HADHA: variants seen among roughly 807,000 people sequenced by gnomAD.
HADHA encodes trifunctional enzyme subunit alpha, mitochondrial.
Under a neutral mutation model 91.3 loss-of-function variants are expected in HADHA, and 59 were observed. The ratio of observed to expected loss-of-function variants is 0.65; its 90% CI spans 0.52 to 0.80. HADHA has a LOEUF of 0.80. Among genes scored for constraint, HADHA ranks in the 30% least tolerant of loss-of-function variants. HADHA has a pLI of 0.00. For synonymous variants in HADHA, 320 were observed against 338.9 expected (o/e 0.94, Z 0.61); for missense variants, 800 against 927.6 (o/e 0.86, Z 1.79).
At position 26,214,517 on chromosome 2, in the gene HADHA, C is replaced by G. The variant is rs1367586094; in HGVS notation, c.844G>C (p.Val282Leu). 1.2e-6 allele frequency: 2 copies of G among 1,608,548 alleles called. No individual in the cohort carries two copies. The highest frequency in any genetic ancestry group is 3.3e-5 in the Admixed American group (2 of 60,010). ...AMTIPFVRQQ[V>L]YKKVEEKVRK... ...ACTTTTTCTTCCACTTTTTTGTAAA[C>G]CTGTTGCCTGACAAATGGAATAGTC... The change falls in exon 9 of 20, where the codon GTT becomes CTT. Residue 282 changes from valine (V) to leucine (L), a missense_variant. Physicochemically the swap from Val to Leu is conservative, Grantham distance 32 (BLOSUM62 1). Coordinates refer to ENST00000380649, the MANE Select transcript of HADHA (RefSeq NM_000182.5). The surrounding 1 kb of genome is among the most constrained non-coding windows in gnomAD (Gnocchi z 4.1).
intron 17 of HADHA, 89 bp from the exon 18 acceptor site, chr2:26,192,513 G>A (rs986347509): frequency 3.7e-5 from 30 of 804,370 alleles, no homozygotes; most frequent in Non-Finnish European, 5.7e-5. Flanking sequence ...CTGGCCAGGC[G>A]TGGTGGCTCA....
Position 26,195,083 on chromosome 2 carries a change from G to T in HADHA, c.1620+9C>A. Reference sequence around the variant, plus strand: ...AAAAACTCTGCAGCTCTGTTATACAGCCCCTTACCTTAACCACAATGATGA... The same window carrying T: ...AAAAACTCTGCAGCTCTGTTATACATCCCCTTACCTTAACCACAATGATGA... On this transcript the variant is annotated intron_variant, in intron 15 of 19. Transcript: ENST00000380649. 1 of 1,608,980 alleles carries T rather than the reference G, an allele frequency of 6.2e-7. No homozygotes were observed. Among genetic ancestry groups the T allele is most frequent in the Non-Finnish European group, 8.5e-7 (1 of 1,175,424 alleles).
At chr2:26,207,929 C>T (rs554609312) in intron 11 of HADHA, among the ~76,000 whole-genome samples, 1 of 152,256 alleles carries the variant, frequency 6.6e-6, no homozygotes, top group South Asian at 2.1e-4. Context: ...GGAAGAATTA[C>T]TGATAACTGG....
At chr2:26,212,649 G>A (rs1337160608) in intron 9 of HADHA, 23 bp from the exon 10 acceptor site, 1 of 1,529,492 alleles carries the variant, frequency 6.5e-7, no homozygotes. Context: ...TAAAGCACTT[G>A]CTCAGCGTTG....
rs1385139383 is a variant in HADHA at position 26,190,886 on chromosome 2, G to A, written c.*364C>T. The A allele has an allele frequency of 7.2e-5, 26 of 359,956 alleles. 1 individual carries two copies. The South Asian group carries it at 7.9e-4, about 11-fold the overall frequency. 22.3% of individuals were successfully genotyped at this position (359,956 alleles called of 1,614,324 possible). On this transcript the variant is annotated 3_prime_UTR_variant, in exon 20 of 20. Coordinates refer to ENST00000380649, the MANE Select transcript of HADHA (RefSeq NM_000182.5). ...GGCAAAGATGCTGACACAGAGTTTG[G>A]TTTTTATTGTTATGTGTTTGGCTGG... is the stretch of plus-strand genomic sequence containing the variant.
At position 26,221,798 on chromosome 2, in the gene HADHA, C is replaced by T. The variant is rs1052925164; in HGVS notation, c.677-6623G>A. Among the ~76,000 whole-genome samples the T allele has an allele frequency of 1.3e-5, 2 of 152,158 alleles. No individual in the cohort carries two copies. Among genetic ancestry groups the T allele is most frequent in the Non-Finnish European group, 2.9e-5 (2 of 68,038 alleles). On this transcript the variant is annotated intron_variant, in intron 7 of 19. Coordinates refer to ENST00000380649, the MANE Select transcript of HADHA (RefSeq NM_000182.5). This position sits in a 1 kb window ranked among gnomAD's most constrained non-coding sequence, Gnocchi z 4.8. The stretch of plus-strand genomic sequence containing the variant: ...ACACTACAGTCCCTTCTGGGACATC[C>T]CTTAAGGACAGTGGTGAAGGGATAG...
chr2:26,212,005 C>T (rs1422905475), intron 10 of HADHA: 1 of 155,356 alleles, frequency 6.4e-6, no homozygotes, highest in Non-Finnish European at 1.4e-5. Flanking sequence ...AGGATTAGAA[C>T]TCTGTTCCTG....
chr2:26,203,692 C>T (rs2147761970), intron 12 of HADHA, among the ~76,000 whole-genome samples: 1 of 152,294 alleles, frequency 6.6e-6, no homozygotes, highest in Admixed American at 6.5e-5. Context: ...TTTGAATAAT[C>T]CTTAACAATA....
chr2:26,202,935 C>T (rs765296239), intron 12 of HADHA, among the ~76,000 whole-genome samples: 3 of 152,158 alleles, frequency 2.0e-5, no homozygotes, highest in Non-Finnish European at 4.4e-5. Flanking sequence ...GTGTGGTGAG[C>T]GGCACTCGCC....
chr2:26,206,673 G>A lies in HADHA; in HGVS notation c.1086-2477C>T, dbSNP rs184730725. Among the ~76,000 whole-genome samples, 226 of 152,214 alleles carry A rather than the reference G, an allele frequency of 1.5e-3. 1 individual carries two copies. Among genetic ancestry groups the A allele is most frequent in the African/African-American group, 5.3e-3 (218 of 41,522 alleles). ...ACTGTATAACATAGTAATTCTACTCGTCATTATCTACTTTACAGAGATGGA... is the reference window on the plus strand; with the variant it reads ...ACTGTATAACATAGTAATTCTACTCATCATTATCTACTTTACAGAGATGGA... On this transcript the variant is annotated intron_variant, in intron 11 of 19. Coordinates refer to ENST00000380649, the MANE Select transcript of HADHA (RefSeq NM_000182.5).
intron 7 of HADHA, among the ~76,000 whole-genome samples, chr2:26,218,917 G>A (rs990707948): frequency 2.1e-5 from 3 of 139,972 alleles, no homozygotes; most frequent in African/African-American, 8.1e-5. Flanking sequence ...TGAGGCAAGA[G>A]AATTGATTGA....
intron 13 of HADHA, 22 bp from the exon 14 acceptor site, chr2:26,197,799 C>T (rs1444651280): frequency 1.7e-6 from 2 of 1,198,358 alleles, no homozygotes; most frequent in South Asian, 1.2e-5. Context: ...AAGCATTTAA[C>T]AATGTGTCAG....
chr2:26,198,032 G>A (rs1054727767), intron 13 of HADHA, among the ~76,000 whole-genome samples: 18 of 152,076 alleles, frequency 1.2e-4, no homozygotes, highest in African/African-American at 4.1e-4. Flanking sequence ...ATCCTGACCT[G>A]GAGACTACAT....
chr2:26,239,108 A>T lies in HADHA; in HGVS notation c.103T>A (p.Leu35Met), dbSNP rs984909591. ...AAAAAGAAATTAAACTTACTCAGCA[A>T]AGCAGAAGACCCTGTAAAATTGCGG... is the stretch of plus-strand genomic sequence containing the variant. ...ICRNFTGSSA[L>M]LTRTHINYGV... Residue 35 changes from leucine to methionine, a missense_variant, in exon 2 of 20, where the codon TTG becomes ATG. Physicochemically the swap from Leu to Met is conservative, Grantham distance 15. Transcript: ENST00000380649. The T allele has an allele frequency of 1.2e-6, 2 of 1,607,614 alleles. No individual in the cohort carries two copies. Among genetic ancestry groups the T allele is most frequent in the Non-Finnish European group, 1.7e-6 (2 of 1,174,138 alleles).
intron 11 of HADHA, 112 bp from the exon 12 acceptor site, chr2:26,204,308 G>T: frequency 1.1e-6 from 1 of 927,686 alleles, no homozygotes; most frequent in Non-Finnish European, 1.8e-6. Flanking sequence ...ACAACTATAA[G>T]GTGTTTCAAA....
chr2:26,236,776 T>C, intron 4 of HADHA, 79 bp downstream of exon 4: 1 of 1,147,538 alleles, frequency 8.7e-7, no homozygotes, highest in South Asian at 1.2e-5. Flanking sequence ...CTACTTTCTT[T>C]TAAAAGGAGA....
intron 11 of HADHA, among the ~76,000 whole-genome samples, chr2:26,208,092 T>C (rs993012828): frequency 6.6e-6 from 1 of 152,228 alleles, no homozygotes; most frequent in Non-Finnish European, 1.5e-5. Context: ...TCAACTCCTA[T>C]ATTTATCCTG....
chr2:26,201,283 A>G lies in HADHA; in HGVS notation c.1258T>C (p.Phe420Leu). The G allele has an allele frequency of 6.2e-7, 1 of 1,612,064 alleles. No homozygotes were observed. Among genetic ancestry groups the G allele is most frequent in the Non-Finnish European group, 8.5e-7 (1 of 1,178,076 alleles). ...TTGCTGAAGATGGAATCCCTTTCAAATGATGTTAGAGCTTTCTTCTTCACT... is the reference window on the plus strand; with the variant it reads ...TTGCTGAAGATGGAATCCCTTTCAAGTGATGTTAGAGCTTTCTTCTTCACT... ...DKVKKKALTS[F>L]ERDSIFSNLT... Residue 420 changes from phenylalanine to leucine, a missense_variant, in exon 13 of 20, where the codon TTT (phenylalanine) becomes CTT (leucine). Physicochemically the swap from Phe to Leu is conservative, Grantham distance 22 (BLOSUM62 0). Transcript: ENST00000380649.
Position 26,190,932 on chromosome 2 carries a change from CCCCTGGCCA to C in HADHA, c.*309_*317del, listed in dbSNP as rs936604817. The C allele has an allele frequency of 2.0e-6, 1 of 492,298 alleles. No homozygotes were observed. The highest frequency in any genetic ancestry group is 1.9e-5 in the African/African-American group (1 of 51,648). 30.5% of individuals were successfully genotyped at this position (492,298 alleles called of 1,614,324 possible). On this transcript the variant is annotated 3_prime_UTR_variant, in exon 20 of 20. Transcript: ENST00000380649. ...GCTGGGTGCAGAACTGCCCTCACCA[CCCCTGGCCA>C]CCCTGGCCTCTTGGGAGGAACAGGC...
Sources: gnomAD v4.1 joint callset for allele counts (sites outside exome capture counted in the v4.1 genomes callset) on GRCh38, gnomAD v4.1.1 for gene constraint, Gnocchi (gnomAD v3.1) non-coding constraint, MANE v1.5 for transcripts, NCBI Gene and HGNC (gene_info 2026-07-23, HGNC 2026-07-21) for gene names.